The following HEY2 variants were observed in gnomAD, a reference collection of about 807,000 sequenced individuals.
The protein encoded by HEY2 is hairy/enhancer-of-split related with YRPW motif protein 2.
Under a neutral mutation model 18.1 loss-of-function variants are expected in HEY2, and 10 were observed. That is an observed-to-expected ratio of 0.55 (90% CI 0.34 to 0.94). The LOEUF (loss-of-function observed/expected upper bound fraction) is 0.94. Among genes scored for constraint, HEY2 ranks in the 40% least tolerant of loss-of-function variants. The probability of loss-of-function intolerance (pLI) is 0.02; values close to 1 mark genes in which losing one functional copy is unlikely to be tolerated. For missense variants in HEY2, 455 were observed against 455.9 expected, an observed-to-expected ratio of 1.00 and a Z score of 0.02; for synonymous variants, 210 against 182.7, an observed-to-expected ratio of 1.15 and a Z score of -1.21.
Position 125,749,859 on chromosome 6 carries a change from G to T in HEY2, c.83G>T (p.Gly28Val). 1 of 1,568,278 alleles carries T rather than the reference G, an allele frequency of 6.4e-7. No individual in the cohort carries two copies. Among genetic ancestry groups the T allele is most frequent in the Non-Finnish European group, 8.6e-7 (1 of 1,157,210 alleles). The change falls in exon 1 of 5, where the codon GGG (glycine) becomes GTG (valine). Residue 28 changes from glycine (G) to valine (V), a missense_variant and splice_region_variant. Coordinates refer to ENST00000368364, the MANE Select transcript of HEY2 (RefSeq NM_012259.3). ...IDVGSENNYS[G>V]QSTSSVIRLN... The stretch of plus-strand genomic sequence containing the variant: ...GTGGGGAGCGAGAACAATTACTCGG[G>T]GTGAGCGCGGGCTCCGCGGGAGCGG...
At chr6:125,759,050 C>T in intron 4 of HEY2, 67 bp from the exon 5 acceptor site, 1 of 1,227,926 alleles carries the variant, frequency 8.1e-7, no homozygotes, top group Non-Finnish European at 1.1e-6. Flanking sequence ...TTGACTATAC[C>T]ATTTTCTCAC....
intron 4 of HEY2, among the ~76,000 whole-genome samples, chr6:125,754,866 A>G (rs903324993): frequency 2.0e-5 from 3 of 152,220 alleles, no homozygotes; most frequent in African/African-American, 7.2e-5. Flanking sequence ...CTGTACAGAA[A>G]GAACAAAAAA....
At position 125,754,852 on chromosome 6, in the gene HEY2, G is replaced by C. The variant is rs184168737; in HGVS notation, c.328+306G>C. Among the ~76,000 whole-genome samples the C allele has an allele frequency of 2.0e-5, 3 of 152,248 alleles. No individual in the cohort carries two copies. In the Middle Eastern group the frequency reaches 0.01, roughly 518 times the overall value. Reference sequence around the variant, plus strand: ...TTTAGGACTTAAGAAGCGCATGCTGGAATCTGTACAGAAAGAACAAAAAAC... The same window carrying C: ...TTTAGGACTTAAGAAGCGCATGCTGCAATCTGTACAGAAAGAACAAAAAAC... On this transcript the variant is annotated intron_variant, in intron 4 of 4. Transcript: ENST00000368364.
At chr6:125,754,206 T>G (rs1254915870) in intron 3 of HEY2, among the ~76,000 whole-genome samples, 1 of 152,238 alleles carries the variant, frequency 6.6e-6, no homozygotes, top group Middle Eastern at 3.2e-3. Context: ...AGAATAATTA[T>G]TCTTATGATT....
chr6:125,754,459 A>G lies in HEY2; in HGVS notation c.247-6A>G. ...GGATTATTTATTTATTTATTTATTT[A>G]TGAAGGGATCTGCAAAGTTAGAAAA... is the stretch of plus-strand genomic sequence containing the variant. On this transcript the variant is annotated splice_polypyrimidine_tract_variant and splice_region_variant and intron_variant, in intron 3 of 4. Coordinates refer to ENST00000368364, the MANE Select transcript of HEY2 (RefSeq NM_012259.3). 1 of 1,498,722 alleles carries G rather than the reference A, an allele frequency of 6.7e-7. No individual in the cohort carries two copies. The allele number at this position is 1,498,722 out of a possible 1,614,324, so 92.8% of individuals were successfully genotyped here. A position where few individuals can be genotyped will look rare whatever the true frequency, so the allele number is the denominator to read the frequency against.
At position 125,754,452 on chromosome 6, in the gene HEY2, T is replaced by C. The variant is rs1469573881; in HGVS notation, c.247-13T>C. The C allele has an allele frequency of 2.1e-6, 3 of 1,435,262 alleles. No homozygotes were observed. In the African/African-American group the frequency reaches 4.3e-5, roughly 21 times the overall value. 88.9% of individuals were successfully genotyped at this position (1,435,262 alleles called of 1,614,324 possible). ...GGACATAGGATTATTTATTTATTTA[T>C]TTATTTATGAAGGGATCTGCAAAGT... On this transcript the variant is annotated splice_polypyrimidine_tract_variant and intron_variant, in intron 3 of 4. Coordinates refer to ENST00000368364, the MANE Select transcript of HEY2 (RefSeq NM_012259.3).
chr6:125,750,462 C>T lies in HEY2; in HGVS notation c.83+603C>T, dbSNP rs750707616. 47 of 922,974 alleles carry T rather than the reference C, an allele frequency of 5.1e-5. No homozygotes were observed. In the South Asian group the frequency reaches 1.7e-3, roughly 34 times the overall value. The allele number at this position is 922,974 out of a possible 1,614,324, so 57.2% of individuals were successfully genotyped here. A position where few individuals can be genotyped will look rare whatever the true frequency, so the allele number is the denominator to read the frequency against. On this transcript the variant is annotated intron_variant, in intron 1 of 4. Transcript: ENST00000368364. ...GAGATCGGCGTCGTAATCACAGAAG[C>T]CAGACCTCCACTTTCCTGTGACAGA...
At chr6:125,752,527 T>C (rs185445259) in intron 3 of HEY2, among the ~76,000 whole-genome samples, 1 of 152,224 alleles carries the variant, frequency 6.6e-6, no homozygotes, top group Non-Finnish European at 1.5e-5. Flanking sequence ...TCTCTAGCTC[T>C]ATTTCCTAAA....
Position 125,759,356 on chromosome 6 carries a change from C to A in HEY2, c.568C>A (p.His190Asn). ...CCCGCATCACTGGGCCGCCGCCTTC[C>A]ACCACCTGCCCGCAGCCCTGCTCCA... ...LHPHHWAAAF[H>N]HLPAALLQPN... Residue 190 changes from histidine (H) to asparagine (N), a missense_variant, in exon 5 of 5, where the codon CAC (histidine) becomes AAC (asparagine). By Grantham distance (68) the His-to-Asn change is moderately conservative. Transcript: ENST00000368364. The A allele has an allele frequency of 6.2e-7, 1 of 1,605,052 alleles. No individual in the cohort carries two copies. The highest frequency in any genetic ancestry group is 1.1e-5 in the South Asian group (1 of 90,626).
Position 125,752,010 on chromosome 6 carries a change from A to G in HEY2, c.166A>G (p.Ile56Val), listed in dbSNP as rs1337908836. Reference protein sequence around the residue: ...IMARKKRRGIIEKRRRDRINN... With the variant: ...IMARKKRRGIVEKRRRDRINN... ...GTTGTTTGCTTCTTTTGGATAGATT[A>G]TAGAGAAAAGGCGTCGGGATCGGAT... is the stretch of plus-strand genomic sequence containing the variant. The change falls in exon 3 of 5, where the codon ATA becomes GTA. Residue 56 changes from isoleucine (I) to valine (V), a missense_variant. Physicochemically the swap from Ile to Val is conservative, Grantham distance 29 (BLOSUM62 3). Coordinates refer to ENST00000368364, the MANE Select transcript of HEY2 (RefSeq NM_012259.3). 1 of 1,612,782 alleles carries G rather than the reference A, an allele frequency of 6.2e-7. No homozygotes were observed. Among genetic ancestry groups the G allele is most frequent in the African/African-American group, 1.3e-5 (1 of 74,886 alleles).
At chr6:125,752,342 G>A (rs556448688) in intron 3 of HEY2, among the ~76,000 whole-genome samples, 1 of 150,706 alleles carries the variant, frequency 6.6e-6, no homozygotes, top group East Asian at 2.0e-4. Flanking sequence ...TTCCCCTTAA[G>A]GGTAACAGTG....
chr6:125,758,209 C>T (rs1277410842), intron 4 of HEY2, among the ~76,000 whole-genome samples: 1 of 152,158 alleles, frequency 6.6e-6, no homozygotes, highest in Non-Finnish European at 1.5e-5. Context: ...ATTTTCTATT[C>T]TAATGTATTA....
At position 125,759,965 on chromosome 6, in the gene HEY2, CT is replaced by C. The variant is rs536471883; in HGVS notation, c.*171del. Reference sequence around the variant, plus strand: ...CTCACGAGTGGAAATGTGGTATTCTCTTTTTTTTCTCTCCCTTTTTTGTTTG... The same window carrying C: ...CTCACGAGTGGAAATGTGGTATTCTCTTTTTTTCTCTCCCTTTTTTGTTTG... On this transcript the variant is annotated 3_prime_UTR_variant, in exon 5 of 5. Coordinates refer to ENST00000368364, the MANE Select transcript of HEY2 (RefSeq NM_012259.3). 6.7e-4 allele frequency: 443 copies of C among 658,060 alleles called. No homozygotes were observed. The African/African-American group carries it at 7.3e-3, about 11-fold the overall frequency. 40.8% of individuals were successfully genotyped at this position (658,060 alleles called of 1,614,324 possible).
intron 3 of HEY2, among the ~76,000 whole-genome samples, chr6:125,752,841 G>A (rs994946197): frequency 6.6e-6 from 1 of 152,184 alleles, no homozygotes; most frequent in Non-Finnish European, 1.5e-5. Flanking sequence ...CAAAGGATAT[G>A]GCAGCATGTC....
intron 3 of HEY2, among the ~76,000 whole-genome samples, chr6:125,753,035 A>T (rs758552832): frequency 6.6e-6 from 1 of 152,248 alleles, no homozygotes; most frequent in Non-Finnish European, 1.5e-5. Flanking sequence ...TACCATTTTC[A>T]TGGAAAAATT....
chr6:125,755,055 G>A (rs1021090860), intron 4 of HEY2, among the ~76,000 whole-genome samples: 11 of 152,082 alleles, frequency 7.2e-5, no homozygotes, highest in African/African-American at 2.7e-4. Context: ...ATTGTTTTCA[G>A]ATTTTTGCTT....
chr6:125,759,408 C>T lies in HEY2; in HGVS notation c.620C>T (p.Ser207Leu). 1.2e-6 allele frequency: 2 copies of T among 1,611,056 alleles called. No homozygotes were observed. The highest frequency in any genetic ancestry group is 1.3e-5 in the African/African-American group (1 of 75,054). The change falls in exon 5 of 5, where the codon TCA becomes TTA. Residue 207 changes from serine (S) to leucine (L), a missense_variant. Ser to Leu is a moderately radical substitution (Grantham distance 145, BLOSUM62 -2). Coordinates refer to ENST00000368364, the MANE Select transcript of HEY2 (RefSeq NM_012259.3). Reference protein sequence around the residue: ...LQPNGLHASESTPCRLSTTSE... With the variant: ...LQPNGLHASELTPCRLSTTSE... ...CCCAACGGCCTCCATGCCTCAGAGT[C>T]AACCCCTTGTCGCCTCTCCACAACT...
At chr6:125,751,344 G>A (rs949431551) in intron 1 of HEY2, among the ~76,000 whole-genome samples, 3 of 152,170 alleles carry the variant, frequency 2.0e-5, no homozygotes, top group Non-Finnish European at 2.9e-5. Context: ...AGAGTTTGAC[G>A]TATGACGACT....
intron 4 of HEY2, among the ~76,000 whole-genome samples, chr6:125,758,891 G>T (rs1773720306): frequency 6.6e-6 from 1 of 152,184 alleles, no homozygotes; most frequent in African/African-American, 2.4e-5. Flanking sequence ...TGCATTGCCA[G>T]AGTTGTCACA....
Sources: allele counts gnomAD v4.1 joint callset (sites outside exome capture counted in the v4.1 genomes callset), GRCh38; gene constraint gnomAD v4.1.1; transcripts MANE v1.5; gene names NCBI Gene and HGNC (gene_info 2026-07-23, HGNC 2026-07-21).